PBLD: variants seen among roughly 807,000 people sequenced by gnomAD.
The protein encoded by PBLD is phenazine biosynthesis-like domain-containing protein.
Under a neutral mutation model 31.3 loss-of-function variants are expected in PBLD, and 26 were observed. The observed-to-expected ratio is 0.83, with a 90% CI of 0.61 to 1.15. The LOEUF (loss-of-function observed/expected upper bound fraction) is 1.15, where lower values mean the gene tolerates loss of function less well. Among genes scored for constraint, PBLD ranks in the 50% most tolerant of loss-of-function variants. The pLI, the probability that PBLD is intolerant of heterozygous loss-of-function variation, is 0.00. For synonymous variants in PBLD, 114 were observed against 129.0 expected, an observed-to-expected ratio of 0.88 and a Z score of 0.79; for missense variants, 307 against 351.7, an observed-to-expected ratio of 0.87 and a Z score of 1.02.
chr10:68,291,681 G>C (rs2044360570), intron 6 of PBLD, among the ~76,000 whole-genome samples: 2 of 152,064 alleles, frequency 1.3e-5, no homozygotes, highest in South Asian at 4.2e-4. Flanking sequence ...TTTCCCTAAA[G>C]GCTGGTCTCC....
intron 2 of PBLD, among the ~76,000 whole-genome samples, chr10:68,302,751 G>A (rs988031931): frequency 1.3e-5 from 2 of 151,654 alleles, no homozygotes; most frequent in Non-Finnish European, 2.9e-5. Flanking sequence ...TGAGGCAGGC[G>A]GATAGCTTGA....
At chr10:68,331,930 C>T (rs538054609) in intron 1 of PBLD, 1 of 152,456 alleles carries the variant, frequency 6.6e-6, no homozygotes, top group African/African-American at 2.4e-5. Context: ...CAACCCACCA[C>T]CGCGCAGGCG....
At chr10:68,311,751 CAAAA>C (rs987918906) in intron 1 of PBLD, among the ~76,000 whole-genome samples, 5 of 59,892 alleles carry the variant, frequency 8.3e-5, no homozygotes, top group Non-Finnish European at 1.0e-4. Context: ...GACCCTGCCT[CAAAA>C]AAAAAAAAAA....
chr10:68,282,862 C>T lies in PBLD; in HGVS notation c.*1315G>A, dbSNP rs769388512. The T allele has an allele frequency of 5.3e-5, 8 of 152,128 alleles. No homozygotes were observed. The highest frequency in any genetic ancestry group is 1.7e-4 in the African/African-American group (7 of 41,414). 9.4% of individuals were successfully genotyped at this position (152,128 alleles called of 1,614,324 possible). On this transcript the variant is annotated 3_prime_UTR_variant, in exon 10 of 10. Transcript: ENST00000358769. ...GGCTGAGAACTACCATCAATGAGAT[C>T]ACCTTAAACAAACACTCTTAATGAC...
At chr10:68,292,851 T>A (rs1435270325) in intron 4 of PBLD, among the ~76,000 whole-genome samples, 1 of 152,088 alleles carries the variant, frequency 6.6e-6, no homozygotes, top group Non-Finnish European at 1.5e-5. Flanking sequence ...AAAATGAGGT[T>A]AATACATTAA....
chr10:68,305,771 CA>C (rs2044569014), intron 2 of PBLD, among the ~76,000 whole-genome samples: 1 of 151,700 alleles, frequency 6.6e-6, no homozygotes, highest in African/African-American at 2.4e-5. Context: ...CAAAACAAAA[CA>C]AAAAAACACT....
chr10:68,328,368 C>T lies in PBLD; in HGVS notation c.-60+4416G>A, dbSNP rs186650199. 2.0e-3 allele frequency among the ~76,000 whole-genome samples: 299 copies of T among 152,308 alleles called. 1 individual carries two copies. Among genetic ancestry groups the T allele is most frequent in the African/African-American group, 6.9e-3 (285 of 41,566 alleles). On this transcript the variant is annotated intron_variant, in intron 1 of 9. Transcript: ENST00000358769. ...TTCGTTAATGTGCCTTCCCTCCCCC[C>T]GAAGAGTGTAATCTCTTTCAATTTC...
At chr10:68,310,985 G>A (rs2044660097) in intron 1 of PBLD, among the ~76,000 whole-genome samples, 1 of 152,114 alleles carries the variant, frequency 6.6e-6, no homozygotes, top group African/African-American at 2.4e-5. Flanking sequence ...GCTTTCAGGT[G>A]GGCAATCATC....
chr10:68,292,305 C>T, intron 4 of PBLD, 67 bp from the exon 5 acceptor site: 5 of 1,339,344 alleles, frequency 3.7e-6, no homozygotes, highest in South Asian at 1.2e-5. Context: ...CCATTTCAAA[C>T]ACCTTTGCAT....
At position 68,291,873 on chromosome 10, in the gene PBLD, G is replaced by T. The variant is rs552499254; in HGVS notation, c.423+137C>A. The T allele has an allele frequency of 9.1e-6, 9 of 983,772 alleles. No homozygotes were observed. In the African/African-American group the frequency reaches 1.3e-4, roughly 14 times the overall value. The allele number at this position is 983,772 out of a possible 1,614,324, so 60.9% of individuals were successfully genotyped here. A position where few individuals can be genotyped will look rare whatever the true frequency, so the allele number is the denominator to read the frequency against. Reference sequence around the variant, plus strand: ...GGTCAACCTTCTCACCAAATAGACTGAATATTAAAATTCAAACCTGAAACA... The same window carrying T: ...GGTCAACCTTCTCACCAAATAGACTTAATATTAAAATTCAAACCTGAAACA... On this transcript the variant is annotated intron_variant, in intron 6 of 9. Transcript: ENST00000358769.
intron 2 of PBLD, chr10:68,297,219 A>G (rs1279243629): frequency 3.8e-6 from 2 of 520,256 alleles, no homozygotes; most frequent in African/African-American, 1.9e-5. Flanking sequence ...TAGACTGTGA[A>G]AAACTGGCTG....
intron 1 of PBLD, among the ~76,000 whole-genome samples, chr10:68,325,138 G>A (rs2044898292): frequency 6.6e-6 from 1 of 151,930 alleles, no homozygotes; most frequent in Non-Finnish European, 1.5e-5. Context: ...CAGCGACTCG[G>A]GAGGCTGAGG....
chr10:68,285,457 G>A (rs1004467628), intron 8 of PBLD, 47 bp from the exon 9 acceptor site: 4 of 1,552,598 alleles, frequency 2.6e-6, no homozygotes, highest in Non-Finnish European at 3.5e-6. Context: ...GAAAACAGAG[G>A]CGATTTTGTG....
At chr10:68,308,086 C>A (rs550529023) in intron 1 of PBLD, among the ~76,000 whole-genome samples, 8 of 152,192 alleles carry the variant, frequency 5.3e-5, no homozygotes, top group African/African-American at 1.9e-4. Flanking sequence ...CTGAGGACAC[C>A]ATACTCCCAC....
Position 68,292,129 on chromosome 10 carries a change from C to G in PBLD, c.393G>C (p.Gln131His). ...LDLPLYPAHP[Q>H]DFHEVEDLIK... ...AGGGCAATAATTACAAAGAGCTGACCTGGGGGTGGGCTGGATAAAGAGGCA... is the reference window on the plus strand; with the variant it reads ...AGGGCAATAATTACAAAGAGCTGACGTGGGGGTGGGCTGGATAAAGAGGCA... The change falls in exon 5 of 10, where the codon CAG becomes CAC. Residue 131 changes from glutamine (Q) to histidine (H), a missense_variant and splice_region_variant. By Grantham distance (24) the Gln-to-His change is conservative (BLOSUM62 0). Transcript: ENST00000358769. 1 of 1,612,204 alleles carries G rather than the reference C, an allele frequency of 6.2e-7. No individual in the cohort carries two copies. The highest frequency in any genetic ancestry group is 8.5e-7 in the Non-Finnish European group (1 of 1,178,434).
At chr10:68,287,486 T>A (rs1275644599) in intron 8 of PBLD, 1 of 152,280 alleles carries the variant, frequency 6.6e-6, no homozygotes, top group Non-Finnish European at 1.5e-5. Context: ...TCACGTGTTT[T>A]GTTACTCAGA....
intron 1 of PBLD, among the ~76,000 whole-genome samples, chr10:68,324,046 A>G (rs967305261): frequency 1.3e-5 from 2 of 152,220 alleles, no homozygotes; most frequent in Admixed American, 1.3e-4. Context: ...TAAAATTCTC[A>G]GCATCCAACC....
intron 6 of PBLD, among the ~76,000 whole-genome samples, chr10:68,291,146 T>G (rs1278105157): frequency 6.6e-6 from 1 of 152,194 alleles, no homozygotes; most frequent in Non-Finnish European, 1.5e-5. Flanking sequence ...GCCCTGGTCC[T>G]GACCTGGGCC....
rs987022219 is a variant in PBLD, at chr10:68,283,974, T to C, written c.*203A>G. 3 of 439,092 alleles carry C rather than the reference T, an allele frequency of 6.8e-6. No individual in the cohort carries two copies. The highest frequency in any genetic ancestry group is 6.0e-5 in the African/African-American group (3 of 49,784). The allele number at this position is 439,092 out of a possible 1,614,324, so 27.2% of individuals were successfully genotyped here. ...GTTGGCCAGGCTGGTGTCGAACCCC[T>C]GACCTCAGGTGATCCACCCACCTTG... On this transcript the variant is annotated 3_prime_UTR_variant, in exon 10 of 10. Transcript: ENST00000358769.
Sources: allele counts gnomAD v4.1 joint callset (sites outside exome capture counted in the v4.1 genomes callset), GRCh38; gene constraint gnomAD v4.1.1; transcripts MANE v1.5; gene names NCBI Gene and HGNC (gene_info 2026-07-23, HGNC 2026-07-21).